The following STX11 variants were observed in gnomAD, a reference collection of about 807,000 sequenced individuals.
STX11 encodes the protein syntaxin-11.
In STX11, 21 loss-of-function variants were observed where a neutral mutation model predicts 19.9. That is an observed-to-expected ratio of 1.06 (90% CI 0.75 to 1.52). STX11 has a LOEUF of 1.52. STX11 is among the 40% of genes most tolerant of loss of function. The pLI, the probability that STX11 is intolerant of heterozygous loss-of-function variation, is 0.00. For synonymous variants in STX11, 193 were observed against 174.4 expected, an observed-to-expected ratio of 1.11 and a Z score of -0.84; for missense variants, 438 against 405.9, an observed-to-expected ratio of 1.08 and a Z score of -0.68.
At position 144,177,489 on chromosome 6, in the gene STX11, C is replaced by T. The variant is rs1801804441; in HGVS notation, c.-5-9134C>T. 6.6e-6 allele frequency among the ~76,000 whole-genome samples: 1 copy of T among 152,232 alleles called. No homozygotes were observed. The highest frequency in any genetic ancestry group is 2.4e-5 in the African/African-American group (1 of 41,450). ...ACTGGCTGGGAGCGGTGGCTCACGCCTGTAATCCCAGCACTTTGGGAGGCT... is the reference window on the plus strand; with the variant it reads ...ACTGGCTGGGAGCGGTGGCTCACGCTTGTAATCCCAGCACTTTGGGAGGCT... On this transcript the variant is annotated intron_variant, in intron 1 of 1. Transcript: ENST00000367568. This position sits in a 1 kb window ranked among gnomAD's most constrained non-coding sequence, Gnocchi z 4.4.
At position 144,170,745 on chromosome 6, in the gene STX11, C is replaced by T. The variant is rs973609369; in HGVS notation, c.-5-15878C>T. On this transcript the variant is annotated intron_variant, in intron 1 of 1. Transcript: ENST00000367568. This position sits in a 1 kb window ranked among gnomAD's most constrained non-coding sequence, Gnocchi z 4.7. ...TGTTCACTTATGATCATAGATGAGA[C>T]AGAAAATAAACTGTTAGTAGTGTAA... Among the ~76,000 whole-genome samples, 3 of 152,088 alleles carry T rather than the reference C, an allele frequency of 2.0e-5. No homozygotes were observed. Among genetic ancestry groups the T allele is most frequent in the African/African-American group, 7.2e-5 (3 of 41,418 alleles).
intron 1 of STX11, among the ~76,000 whole-genome samples, chr6:144,178,247 A>T (rs141015194): frequency 6.6e-6 from 1 of 152,274 alleles, no homozygotes; most frequent in East Asian, 1.9e-4. Context: ...AACTGCTTAA[A>T]CTCATTAGGC....
chr6:144,143,729 G>A, the STX11 span, among the ~76,000 whole-genome samples: 4 of 152,126 alleles, frequency 2.6e-5, no homozygotes, highest in African/African-American at 9.7e-5. Flanking sequence ...GTGGGAGGGA[G>A]GTGGAAAGTG....
chr6:144,191,864 T>A lies in STX11; in HGVS notation c.*4373T>A, dbSNP rs6935462. ...TTTGTTATCAACACGTTATTAAGAA[T>A]GGGCAAGATGTCCTTATATACTAGA... On this transcript the variant is annotated 3_prime_UTR_variant, in exon 2 of 2. Transcript: ENST00000367568. Among the ~76,000 whole-genome samples the A allele has an allele frequency of 0.12, 17,748 of 152,244 alleles. 1,713 individuals are homozygous for A. The highest frequency in any genetic ancestry group is 0.25 in the African/African-American group (10,461 of 41,494).
the STX11 span, among the ~76,000 whole-genome samples, chr6:144,141,516 T>C: frequency 7.2e-5 from 11 of 152,370 alleles, no homozygotes; most frequent in African/African-American, 2.6e-4. Context: ...AGAAATTTGC[T>C]TTTCTGTGAG....
intron 1 of STX11, among the ~76,000 whole-genome samples, chr6:144,185,146 A>G (rs1290380516): frequency 6.6e-6 from 1 of 152,348 alleles, no homozygotes; most frequent in Non-Finnish European, 1.5e-5. Flanking sequence ...AAAAATCACC[A>G]TCATAGAATA....
At position 144,174,050 on chromosome 6, in the gene STX11, T is replaced by A. The variant is rs922338853; in HGVS notation, c.-5-12573T>A. 6.6e-6 allele frequency among the ~76,000 whole-genome samples: 1 copy of A among 152,242 alleles called. No homozygotes were observed. The highest frequency in any genetic ancestry group is 2.4e-5 in the African/African-American group (1 of 41,468). On this transcript the variant is annotated intron_variant, in intron 1 of 1. Transcript: ENST00000367568. This position sits in a 1 kb window ranked among gnomAD's most constrained non-coding sequence, Gnocchi z 5.3. ...GTTGATTGGCTGAGCAGTCTTCTGTTGGGCTCTCCGCGGCTCCTTCATTTT... is the reference window on the plus strand; with the variant it reads ...GTTGATTGGCTGAGCAGTCTTCTGTAGGGCTCTCCGCGGCTCCTTCATTTT...
In STX11 at chr6:144,160,023, A is replaced by ATT. The variant is rs1801293455; in HGVS notation, c.-6+9324_-6+9325dup. 6.6e-6 allele frequency among the ~76,000 whole-genome samples: 1 copy of ATT among 151,892 alleles called. No individual in the cohort carries two copies. The highest frequency in any genetic ancestry group is 1.5e-5 in the Non-Finnish European group (1 of 67,976). On this transcript the variant is annotated intron_variant, in intron 1 of 1. Coordinates refer to ENST00000367568, the MANE Select transcript of STX11 (RefSeq NM_003764.4). The surrounding 1 kb of genome is among the most constrained non-coding windows in gnomAD (Gnocchi z 4.3). The stretch of plus-strand genomic sequence containing the variant: ...TCTTGTTTTTTAAAAAAATATTATG[A>ATT]TTTTTGAGAGACTCTGTCGCCCAGG...
chr6:144,187,243 G>T lies in STX11; in HGVS notation c.616G>T (p.Glu206Ter), dbSNP rs145347140. 1.9e-6 allele frequency: 3 copies of T among 1,613,778 alleles called. No individual in the cohort carries two copies. The highest frequency in any genetic ancestry group is 2.5e-6 in the Non-Finnish European group (3 of 1,179,974). The change falls in exon 2 of 2, where the codon GAG becomes TAG. Residue 206 changes from glutamate (E) to a stop codon, truncating the protein, a stop_gained. Coordinates refer to ENST00000367568, the MANE Select transcript of STX11 (RefSeq NM_003764.4). LOFTEE classifies it high-confidence loss of function. This position sits in a 1 kb window ranked among gnomAD's most constrained non-coding sequence, Gnocchi z 5.6. ...DVKGARAALN[E>*]IESRHRELLR... ...GAAGGGCGCGCGGGCCGCCCTCAACGAGATCGAGAGCCGCCACCGCGAACT... is the reference window on the plus strand; with the variant it reads ...GAAGGGCGCGCGGGCCGCCCTCAACTAGATCGAGAGCCGCCACCGCGAACT...
In STX11 at chr6:144,170,539, A is replaced by G. The variant is rs931914563; in HGVS notation, c.-5-16084A>G. Among the ~76,000 whole-genome samples, 4 of 152,144 alleles carry G rather than the reference A, an allele frequency of 2.6e-5. No homozygotes were observed. The highest frequency in any genetic ancestry group is 7.2e-5 in the African/African-American group (3 of 41,434). ...TTGTGGCCAATGCTCAAAAAGTTTT[A>G]GATTTTGGAGCATTTCAGATTTCAG... On this transcript the variant is annotated intron_variant, in intron 1 of 1. Transcript: ENST00000367568. This position sits in a 1 kb window ranked among gnomAD's most constrained non-coding sequence, Gnocchi z 4.7.
Position 144,186,913 on chromosome 6 carries a change from C to G in STX11, c.286C>G (p.Arg96Gly). ...CTCCATCGCCAAGGCCATCAAGGCC[C>G]GGGGCGAGGTCATCCACTGCAAGCT... is the stretch of plus-strand genomic sequence containing the variant. ...TNSIAKAIKA[R>G]GEVIHCKLRA... The change falls in exon 2 of 2, where the codon CGG (arginine) becomes GGG (glycine). Residue 96 changes from arginine (R) to glycine (G), a missense_variant. Coordinates refer to ENST00000367568, the MANE Select transcript of STX11 (RefSeq NM_003764.4). 2 of 1,610,894 alleles carry G rather than the reference C, an allele frequency of 1.2e-6. No individual in the cohort carries two copies. Among genetic ancestry groups the G allele is most frequent in the Non-Finnish European group, 1.7e-6 (2 of 1,180,000 alleles).
At chr6:144,171,396 T>C (rs1281234243) in intron 1 of STX11, among the ~76,000 whole-genome samples, 1 of 152,234 alleles carries the variant, frequency 6.6e-6, no homozygotes, top group African/African-American at 2.4e-5. Flanking sequence ...TCTTTGATGA[T>C]GAAGGAAACT....
intron 1 of STX11, among the ~76,000 whole-genome samples, chr6:144,181,789 T>C (rs1423546764): frequency 2.0e-5 from 3 of 152,190 alleles, no homozygotes; most frequent in Admixed American, 2.0e-4. Context: ...ACCACTGAGC[T>C]ACCATCATCT....
At chr6:144,178,556 G>A (rs1403775799) in intron 1 of STX11, among the ~76,000 whole-genome samples, 1 of 152,190 alleles carries the variant, frequency 6.6e-6, no homozygotes, top group African/African-American at 2.4e-5. Flanking sequence ...TCTGATTGAG[G>A]AAACTGAAAA....
chr6:144,156,003 TTTC>T (rs1562655537), intron 1 of STX11, among the ~76,000 whole-genome samples: 1 of 126,660 alleles, frequency 7.9e-6, no homozygotes, highest in East Asian at 2.6e-4. Context: ...TCTTTCTTTC[TTTC>T]TTTCTTTCTC....
intron 1 of STX11, among the ~76,000 whole-genome samples, chr6:144,164,840 C>T (rs1182868323): frequency 2.0e-5 from 3 of 151,906 alleles, no homozygotes; most frequent in South Asian, 4.1e-4. Context: ...ATTACAGGCA[C>T]CTGCCACTAT....
Position 144,186,981 on chromosome 6 carries a change from CGGCCCGCACTCG to C in STX11, c.356_367del (p.Gly119_Ser122del), listed in dbSNP as rs752243430. The C allele has an allele frequency of 6.2e-7, 1 of 1,609,122 alleles. No homozygotes were observed. The highest frequency in any genetic ancestry group is 1.1e-5 in the South Asian group (1 of 91,008). ...TGAGCGAGGCGGCTGAGGCCCAGCA[CGGCCCGCACTCG>C]GCAGTGGCGCGCATTTCGCGGGCGC... On this transcript the variant is annotated inframe_deletion, in exon 2 of 2. Transcript: ENST00000367568.
In STX11 at chr6:144,152,782, C is replaced by T. The variant is rs1339517035; in HGVS notation, c.-6+2079C>T. Among the ~76,000 whole-genome samples the T allele has an allele frequency of 2.0e-5, 3 of 152,190 alleles. No individual in the cohort carries two copies. The highest frequency in any genetic ancestry group is 4.4e-5 in the Non-Finnish European group (3 of 68,034). On this transcript the variant is annotated intron_variant, in intron 1 of 1. Transcript: ENST00000367568. This position sits in a 1 kb window ranked among gnomAD's most constrained non-coding sequence, Gnocchi z 4.9. ...CCAAGTAGCTGGGACTACAGACACC[C>T]ACCACAACACCCGGCTAATTTTTGT...
rs1471816284 is a variant in STX11 at position 144,160,064 on chromosome 6, A to C, written c.-6+9361A>C. ...GTCGCCCAGGCTGGAATGAAATGGC[A>C]CAATCTCTGCTCACAGTAACCTCCG... On this transcript the variant is annotated intron_variant, in intron 1 of 1. Coordinates refer to ENST00000367568, the MANE Select transcript of STX11 (RefSeq NM_003764.4). The surrounding 1 kb of genome is among the most constrained non-coding windows in gnomAD (Gnocchi z 4.3). Among the ~76,000 whole-genome samples, 1 of 152,178 alleles carries C rather than the reference A, an allele frequency of 6.6e-6. No homozygotes were observed. Among genetic ancestry groups the C allele is most frequent in the East Asian group, 1.9e-4 (1 of 5,196 alleles).
Sources: allele counts gnomAD v4.1 joint callset (sites outside exome capture counted in the v4.1 genomes callset), GRCh38; gene constraint gnomAD v4.1.1; non-coding constraint Gnocchi (gnomAD v3.1); transcripts MANE v1.5; gene names NCBI Gene and HGNC (gene_info 2026-07-23, HGNC 2026-07-21).